Variants in SIK3 observed in about 807,000 individuals in gnomAD.
SIK3 encodes SIK family kinase 3, also known as serine/threonine-protein kinase SIK3.
Under a neutral mutation model 144.2 loss-of-function variants are expected in SIK3, and 28 were observed. The observed-to-expected ratio is 0.19, with a 90% CI of 0.14 to 0.27. The LOEUF (loss-of-function observed/expected upper bound fraction) is 0.27. Ranked by LOEUF, SIK3 falls within the 10% of genes least tolerant of loss-of-function variation. The probability of loss-of-function intolerance (pLI) is 1.00; values close to 1 mark genes in which losing one functional copy is unlikely to be tolerated. For synonymous variants in SIK3, 686 were observed against 676.3 expected, an observed-to-expected ratio of 1.01 and a Z score of -0.22; for missense variants, 1,319 against 1,776.0, an observed-to-expected ratio of 0.74 and a Z score of 4.62.
intron 1 of SIK3, among the ~76,000 whole-genome samples, chr11:117,095,073 G>A (rs1024161260): frequency 4.0e-5 from 6 of 151,830 alleles, no homozygotes; most frequent in African/African-American, 1.5e-4. Flanking sequence ...CGGTTTGAGA[G>A]TTAACAGAAT....
chr11:116,878,946 G>A (rs1336638688), intron 6 of SIK3, among the ~76,000 whole-genome samples: 5 of 152,038 alleles, frequency 3.3e-5, no homozygotes, highest in Non-Finnish European at 5.9e-5. Context: ...CACATTCATT[G>A]TCTTCACGCA....
chr11:116,909,283 A>C (rs1353860372), intron 4 of SIK3, among the ~76,000 whole-genome samples: 1 of 152,070 alleles, frequency 6.6e-6, no homozygotes, highest in Non-Finnish European at 1.5e-5. Flanking sequence ...AAAACTCCTA[A>C]GTAATGCATT....
chr11:116,910,019 G>C (rs1345518851), intron 4 of SIK3, among the ~76,000 whole-genome samples: 1 of 152,132 alleles, frequency 6.6e-6, no homozygotes, highest in Non-Finnish European at 1.5e-5. Context: ...ATATTTTAGT[G>C]ATAGGTATAA....
intron 1 of SIK3, among the ~76,000 whole-genome samples, chr11:117,031,638 AC>A (rs983496690): frequency 7.3e-6 from 1 of 136,152 alleles, no homozygotes; most frequent in African/African-American, 2.8e-5. Context: ...TCTCTGCCTC[AC>A]CCTCCCAAGT....
chr11:117,082,170 C>G (rs1385353133), intron 1 of SIK3, among the ~76,000 whole-genome samples: 1 of 152,150 alleles, frequency 6.6e-6, no homozygotes, highest in Non-Finnish European at 1.5e-5. Context: ...AACCCTCATA[C>G]ATTGCAGGTA....
intron 1 of SIK3, among the ~76,000 whole-genome samples, chr11:116,960,244 G>A (rs1949291737): frequency 1.3e-5 from 2 of 152,028 alleles, no homozygotes; most frequent in Non-Finnish European, 2.9e-5. Flanking sequence ...TGAAGCTTTG[G>A]GCCAGGCACG....
At chr11:117,045,446 C>T (rs114218154) in intron 1 of SIK3, among the ~76,000 whole-genome samples, 4 of 152,242 alleles carry the variant, frequency 2.6e-5, no homozygotes, top group African/African-American at 7.2e-5. Context: ...TAAGAGTGAA[C>T]GGTAATTGCT....
intron 1 of SIK3, among the ~76,000 whole-genome samples, chr11:117,019,176 C>T (rs1367260463): frequency 1.3e-5 from 2 of 151,882 alleles, no homozygotes; most frequent in South Asian, 2.1e-4. Context: ...CACACCGCCA[C>T]ACCTGGCTAA....
chr11:116,848,508 G>A (rs1591356040), intron 22 of SIK3, among the ~76,000 whole-genome samples: 2 of 152,288 alleles, frequency 1.3e-5, no homozygotes, highest in Admixed American at 1.3e-4. Flanking sequence ...AGGCCCACCA[G>A]CTCCCCTGAT....
At chr11:116,954,622 G>C (rs1273430305) in intron 2 of SIK3, among the ~76,000 whole-genome samples, 1 of 151,856 alleles carries the variant, frequency 6.6e-6, no homozygotes, top group Non-Finnish European at 1.5e-5. Flanking sequence ...GAAAAAAAGA[G>C]AACAGTAATT....
intron 2 of SIK3, among the ~76,000 whole-genome samples, chr11:116,954,465 C>T (rs1949064754): frequency 6.7e-6 from 1 of 148,626 alleles, no homozygotes; most frequent in Non-Finnish European, 1.5e-5. Flanking sequence ...CACAAAAATG[C>T]CCTATCAAAT....
intron 1 of SIK3, among the ~76,000 whole-genome samples, chr11:116,963,368 G>C (rs1378858885): frequency 6.6e-6 from 1 of 152,084 alleles, no homozygotes; most frequent in Non-Finnish European, 1.5e-5. Context: ...TTGATTATGT[G>C]AGTAATATCT....
At chr11:116,910,570 A>G (rs1280716196) in intron 4 of SIK3, among the ~76,000 whole-genome samples, 1 of 152,194 alleles carries the variant, frequency 6.6e-6, no homozygotes, top group African/African-American at 2.4e-5. Flanking sequence ...CAGAGCTCAT[A>G]TCGCTCTAAG....
chr11:117,016,719 T>G (rs921313290), intron 1 of SIK3, among the ~76,000 whole-genome samples: 1 of 152,218 alleles, frequency 6.6e-6, no homozygotes, highest in Non-Finnish European at 1.5e-5. Context: ...TGGTAATCAC[T>G]GCATAATGTA....
At chr11:117,076,830 T>A (rs1470962606) in intron 1 of SIK3, among the ~76,000 whole-genome samples, 1 of 152,120 alleles carries the variant, frequency 6.6e-6, no homozygotes, top group Non-Finnish European at 1.5e-5. Flanking sequence ...CATGAGCCAC[T>A]GCACCCGGCT....
At chr11:116,972,529 T>C (rs1174137222) in intron 1 of SIK3, among the ~76,000 whole-genome samples, 1 of 152,186 alleles carries the variant, frequency 6.6e-6, no homozygotes, top group African/African-American at 2.4e-5. Context: ...TTGTACCCAA[T>C]ATTTTTAAAA....
chr11:117,070,728 G>A (rs1954230706), intron 1 of SIK3, among the ~76,000 whole-genome samples: 1 of 151,460 alleles, frequency 6.6e-6, no homozygotes, highest in Admixed American at 6.6e-5. Context: ...TTACAGGTGT[G>A]AGCCACTGCG....
chr11:117,055,437 T>C (rs1182347931), intron 1 of SIK3, among the ~76,000 whole-genome samples: 2 of 152,186 alleles, frequency 1.3e-5, no homozygotes, highest in Admixed American at 6.5e-5. Flanking sequence ...AACAGAAACA[T>C]AGAGACAAAG....
chr11:117,005,961 C>G (rs1024106236), intron 1 of SIK3, among the ~76,000 whole-genome samples: 1 of 151,952 alleles, frequency 6.6e-6, no homozygotes, highest in African/African-American at 2.4e-5. Flanking sequence ...ACCAAGAATA[C>G]AGGAAGGAAG....
Sources: gnomAD v4.1 joint callset for allele counts (sites outside exome capture counted in the v4.1 genomes callset) on GRCh38, gnomAD v4.1.1 for gene constraint, MANE v1.5 for transcripts, NCBI Gene and HGNC (gene_info 2026-07-23, HGNC 2026-07-21) for gene names.